Variants in UNC79 observed in about 807,000 individuals in gnomAD.
UNC79 encodes unc-79 subunit of NALCN channel complex.
In UNC79, 37 loss-of-function variants were observed where a neutral mutation model predicts 283.1. The observed-to-expected ratio is 0.13, with a 90% confidence interval of 0.10 to 0.17. The LOEUF is 0.17. Ranked by LOEUF, UNC79 falls within the 10% of genes least tolerant of loss-of-function variation. UNC79 has a pLI of 1.00. For synonymous variants in UNC79, 1,107 were observed against 1,200.2 expected (o/e 0.92, Z 1.61); for missense variants, 2,272 against 3,211.1 (o/e 0.71, Z 7.07).
chr14:93,450,598 G>T (rs2056606226), intron 1 of UNC79, among the ~76,000 whole-genome samples: 1 of 152,066 alleles, frequency 6.6e-6, no homozygotes, highest in Admixed American at 6.6e-5. Flanking sequence ...GGTTTTGAAG[G>T]CATTGCTTCA....
At chr14:93,534,770 G>A (rs528384602) in intron 11 of UNC79, among the ~76,000 whole-genome samples, 1 of 152,246 alleles carries the variant, frequency 6.6e-6, no homozygotes, top group South Asian at 2.1e-4. Flanking sequence ...GGGGACATAC[G>A]TAACATATTT....
intron 4 of UNC79, among the ~76,000 whole-genome samples, chr14:93,483,648 C>T (rs771073297): frequency 1.3e-5 from 2 of 151,710 alleles, no homozygotes; most frequent in Non-Finnish European, 2.9e-5. Context: ...TCATCATTTA[C>T]ATTAGGTATA....
intron 1 of UNC79, among the ~76,000 whole-genome samples, chr14:93,386,423 A>T (rs1055196402): frequency 3.9e-5 from 6 of 152,022 alleles, no homozygotes; most frequent in Non-Finnish European, 8.8e-5. Flanking sequence ...ATACTGGCCT[A>T]TTGTTTTCTA....
intron 1 of UNC79, among the ~76,000 whole-genome samples, chr14:93,459,735 A>G (rs1157511773): frequency 8.7e-6 from 1 of 114,378 alleles, no homozygotes; most frequent in African/African-American, 3.5e-5. Flanking sequence ...CAGTGGCGCT[A>G]TCCCGGCTCA....
At chr14:93,571,358 C>A (rs2063197880) in intron 14 of UNC79, among the ~76,000 whole-genome samples, 1 of 152,122 alleles carries the variant, frequency 6.6e-6, no homozygotes. Flanking sequence ...CCTTTTTATT[C>A]ACAGATTCAA....
At position 93,380,639 on chromosome 14, in the gene UNC79, T is replaced by C. The variant is rs560223205; in HGVS notation, c.-351+47116T>C. ...ATCCCCTGTTAGACTATAAGCTCCA[T>C]GAAGGCCAGATGTTGGCTGTTTTGT... On this transcript the variant is annotated intron_variant, in intron 1 of 49. Coordinates refer to the UNC79 transcript ENST00000256339. Among the ~76,000 whole-genome samples, 10 of 152,356 alleles carry C rather than the reference T, an allele frequency of 6.6e-5. No individual in the cohort carries two copies. The South Asian group carries it at 1.9e-3, about 28-fold the overall frequency.
At chr14:93,444,646 C>T (rs1158779608) in intron 1 of UNC79, among the ~76,000 whole-genome samples, 5 of 152,006 alleles carry the variant, frequency 3.3e-5, no homozygotes, top group African/African-American at 4.8e-5. Context: ...TTTCCATGTA[C>T]GATATCCAGT....
chr14:93,547,540 CTTAG>C (rs1035006738), intron 14 of UNC79, among the ~76,000 whole-genome samples: 5 of 152,126 alleles, frequency 3.3e-5, no homozygotes, highest in Admixed American at 2.6e-4. Flanking sequence ...TGAAACAATT[CTTAG>C]TTATTTATTT....
At chr14:93,556,635 C>T (rs541361370) in intron 14 of UNC79, among the ~76,000 whole-genome samples, 4 of 150,666 alleles carry the variant, frequency 2.7e-5, no homozygotes, top group South Asian at 2.1e-4. Context: ...GCAGTGAGGG[C>T]GTGTGTGCCA....
rs190873922 is a variant in UNC79 at position 93,667,694 on chromosome 14, T to C, written c.6636+4980T>C. Among the ~76,000 whole-genome samples, 143 of 152,192 alleles carry C rather than the reference T, an allele frequency of 9.4e-4. 1 individual carries two copies. Among genetic ancestry groups the C allele is most frequent in the African/African-American group, 3.3e-3 (139 of 41,546 alleles). ...TTCCCAACACATTTCATGAGGCCAGTAGAATTTTGATATCAACCAGAGAAG... is the reference window on the plus strand; with the variant it reads ...TTCCCAACACATTTCATGAGGCCAGCAGAATTTTGATATCAACCAGAGAAG... On this transcript the variant is annotated intron_variant, in intron 40 of 48. Transcript: ENST00000555664.
intron 1 of UNC79, among the ~76,000 whole-genome samples, chr14:93,412,099 TAAA>T (rs1484989806): frequency 6.6e-6 from 1 of 152,016 alleles, no homozygotes; most frequent in East Asian, 1.9e-4. Flanking sequence ...AATATTGAAA[TAAA>T]AAGAAGCAGA....
At position 93,673,584 on chromosome 14, in the gene UNC79, A is replaced by G. The variant is rs577375454; in HGVS notation, c.6741+129A>G. 175 of 669,928 alleles carry G rather than the reference A, an allele frequency of 2.6e-4. 3 individuals carry two copies. The South Asian group carries it at 4.4e-3, about 17-fold the overall frequency. 41.5% of individuals were successfully genotyped at this position (669,928 alleles called of 1,614,324 possible). A position where few individuals can be genotyped will look rare whatever the true frequency, so the allele number is the denominator to read the frequency against. On this transcript the variant is annotated intron_variant, in intron 41 of 48. Transcript: ENST00000555664. The stretch of plus-strand genomic sequence containing the variant: ...AGAGATGATAAATAATATATCTTAT[A>G]TGGACCATGATCTAACTAATAGTAT...
At chr14:93,605,003 T>C in intron 26 of UNC79, 42 bp downstream of exon 27, 1 of 1,542,368 alleles carries the variant, frequency 6.5e-7, no homozygotes, top group Non-Finnish European at 8.7e-7. Flanking sequence ...CAAGTGTCTA[T>C]CACAGGTGGA....
At chr14:93,457,330 C>T (rs2056824305) in intron 1 of UNC79, among the ~76,000 whole-genome samples, 1 of 152,164 alleles carries the variant, frequency 6.6e-6, no homozygotes, top group East Asian at 1.9e-4. Context: ...TGATAAATGC[C>T]ATCCATGATA....
intron 1 of UNC79, among the ~76,000 whole-genome samples, chr14:93,404,513 T>TATAA (rs1229909876): frequency 3.4e-4 from 39 of 113,236 alleles, no homozygotes; most frequent in South Asian, 7.6e-4. Context: ...TATATATATA[T>TATAA]AAATATATAC....
chr14:93,493,901 A>ATATATATTTTTTTT (rs1251701550), intron 5 of UNC79, among the ~76,000 whole-genome samples: 4 of 49,252 alleles, frequency 8.1e-5, no homozygotes, highest in East Asian at 7.5e-4. Context: ...ATATATATAT[A>ATATATATTTTTTTT]TTTTTTTTTT....
chr14:93,523,434 G>A (rs1157343000), intron 7 of UNC79, among the ~76,000 whole-genome samples: 1 of 152,078 alleles, frequency 6.6e-6, no homozygotes, highest in African/African-American at 2.4e-5. Flanking sequence ...GAATGGTAGA[G>A]GACGTCTTAC....
chr14:93,622,248 G>A, exon 30 of UNC79: 2 of 1,613,998 alleles, frequency 1.2e-6, no homozygotes, highest in Non-Finnish European at 1.7e-6. Flanking sequence ...TCCGTCCCCA[G>A]CCATCCCTCC....
intron 7 of UNC79, among the ~76,000 whole-genome samples, chr14:93,503,783 T>A (rs2059409136): frequency 6.6e-6 from 1 of 152,020 alleles, no homozygotes; most frequent in African/African-American, 2.4e-5. Flanking sequence ...TTAAATAAAG[T>A]TATTTTAATA....
Sources: gnomAD v4.1 joint callset for allele counts (sites outside exome capture counted in the v4.1 genomes callset) on GRCh38, gnomAD v4.1.1 for gene constraint, MANE v1.5 for transcripts, NCBI Gene and HGNC (gene_info 2026-07-23, HGNC 2026-07-21) for gene names.